Variants in RUNDC3B observed in about 807,000 individuals in gnomAD.
RUNDC3B encodes the protein RUN domain-containing protein 3B.
A neutral mutation model predicts 58.4 loss-of-function variants in RUNDC3B; 33 were observed. That is an observed-to-expected ratio of 0.56 (90% CI 0.43 to 0.75). The LOEUF (loss-of-function observed/expected upper bound fraction) is 0.75. Ranked by LOEUF, RUNDC3B falls within the 30% of genes least tolerant of loss-of-function variation. The probability of loss-of-function intolerance (pLI) is 0.00; values close to 1 mark genes in which losing one functional copy is unlikely to be tolerated. For missense variants in RUNDC3B, 501 were observed against 535.7 expected, an observed-to-expected ratio of 0.94 and a Z score of 0.64; for synonymous variants, 193 against 195.2, an observed-to-expected ratio of 0.99 and a Z score of 0.10.
At chr7:87,785,354 G>A (rs926298703) in intron 8 of RUNDC3B, among the ~76,000 whole-genome samples, 2 of 152,108 alleles carry the variant, frequency 1.3e-5, no homozygotes, top group Admixed American at 6.6e-5. Context: ...ATGAACTCAC[G>A]CCTCCCTGTT....
At chr7:87,820,362 C>G (rs1037982449) in intron 10 of RUNDC3B, among the ~76,000 whole-genome samples, 13 of 152,178 alleles carry the variant, frequency 8.5e-5, no homozygotes, top group Non-Finnish European at 1.3e-4. Flanking sequence ...TCTGAATAGA[C>G]CAATAACAGG....
At chr7:87,772,183 TTAATA>T (rs1834321334) in intron 7 of RUNDC3B, among the ~76,000 whole-genome samples, 1 of 152,154 alleles carries the variant, frequency 6.6e-6, no homozygotes, top group African/African-American at 2.4e-5. Flanking sequence ...ACCTTTTTGT[TTAATA>T]TAATTTACTT....
chr7:87,800,743 C>T (rs1836103649), intron 8 of RUNDC3B, among the ~76,000 whole-genome samples: 2 of 151,446 alleles, frequency 1.3e-5, no homozygotes, highest in Admixed American at 1.3e-4. Context: ...GACCTCCAGG[C>T]TTAAGTGATC....
At chr7:87,666,119 A>G (rs1341869433) in intron 2 of RUNDC3B, among the ~76,000 whole-genome samples, 1 of 152,074 alleles carries the variant, frequency 6.6e-6, no homozygotes, top group African/African-American at 2.4e-5. Flanking sequence ...GTGTATAAGC[A>G]TCCCCTTTTC....
At chr7:87,750,418 G>T (rs1420855157) in intron 6 of RUNDC3B, among the ~76,000 whole-genome samples, 2 of 151,330 alleles carry the variant, frequency 1.3e-5, no homozygotes, top group Non-Finnish European at 3.0e-5. Flanking sequence ...TGGGTCAAAT[G>T]GTGTTTCTAG....
intron 8 of RUNDC3B, among the ~76,000 whole-genome samples, chr7:87,795,309 T>C (rs1391038281): frequency 6.6e-6 from 1 of 152,088 alleles, no homozygotes; most frequent in East Asian, 1.9e-4. Context: ...GATTAAAAAG[T>C]GGGCAAAAGA....
At chr7:87,751,922 G>A (rs1833022248) in intron 6 of RUNDC3B, among the ~76,000 whole-genome samples, 1 of 152,176 alleles carries the variant, frequency 6.6e-6, no homozygotes, top group Admixed American at 6.5e-5. Flanking sequence ...TTGAATAGGA[G>A]TGGTGAGAGA....
chr7:87,641,832 A>T (rs981137195), intron 1 of RUNDC3B, among the ~76,000 whole-genome samples: 1 of 152,190 alleles, frequency 6.6e-6, no homozygotes, highest in Non-Finnish European at 1.5e-5. Flanking sequence ...AGGTTAGGAA[A>T]ACAATATCCT....
In RUNDC3B at chr7:87,742,621, TATC is replaced by T. The variant is rs956899521; in HGVS notation, c.629+1045_629+1047del. Among the ~76,000 whole-genome samples, 68 of 150,946 alleles carry T rather than the reference TATC, an allele frequency of 4.5e-4. 1 individual carries two copies. Among genetic ancestry groups the T allele is most frequent in the Non-Finnish European group, 2.4e-4 (16 of 67,698 alleles). On this transcript the variant is annotated intron_variant, in intron 6 of 10. Coordinates refer to ENST00000394654, the MANE Select transcript of RUNDC3B (RefSeq NM_001134405.2). The stretch of plus-strand genomic sequence containing the variant: ...ATAGATAGATAGATAGATAGATAGA[TATC>T]ATGGTTTTTTTAATTGAGAAAATGA...
At chr7:87,794,084 A>G (rs1248157020) in intron 8 of RUNDC3B, among the ~76,000 whole-genome samples, 4 of 152,340 alleles carry the variant, frequency 2.6e-5, no homozygotes, top group South Asian at 2.1e-4. Flanking sequence ...CCCATTTACA[A>G]TAGCCATAAA....
At chr7:87,642,695 C>G (rs1309123569) in intron 1 of RUNDC3B, among the ~76,000 whole-genome samples, 1 of 152,032 alleles carries the variant, frequency 6.6e-6, no homozygotes, top group Non-Finnish European at 1.5e-5. Flanking sequence ...AACCATCATT[C>G]TCAGCAAACT....
chr7:87,764,434 G>C lies in RUNDC3B; in HGVS notation c.630-6147G>C, dbSNP rs369451811. Among the ~76,000 whole-genome samples the C allele has an allele frequency of 2.0e-4, 31 of 151,788 alleles. No individual in the cohort carries two copies. The East Asian group carries it at 2.9e-3, about 14-fold the overall frequency. ...CTCTTTTGAAAAAATATTAGACTGA[G>C]GCAGGTACATGTACAGGTTTGTTAG... On this transcript the variant is annotated intron_variant, in intron 6 of 10. Transcript: ENST00000394654.
chr7:87,807,309 A>G, intron 8 of RUNDC3B, 64 bp from the exon 9 acceptor site: 1 of 1,543,548 alleles, frequency 6.5e-7, no homozygotes, highest in Non-Finnish European at 8.9e-7. Flanking sequence ...AATTGATACC[A>G]TTAGGTTCCT....
intron 10 of RUNDC3B, among the ~76,000 whole-genome samples, chr7:87,819,892 G>C (rs1400673480): frequency 1.3e-5 from 2 of 152,018 alleles, no homozygotes; most frequent in African/African-American, 4.8e-5. Context: ...AAAGCAGTGT[G>C]TAGAGGGAAA....
intron 8 of RUNDC3B, among the ~76,000 whole-genome samples, chr7:87,803,846 G>A (rs1327806376): frequency 6.6e-6 from 1 of 151,994 alleles, no homozygotes; most frequent in African/African-American, 2.4e-5. Context: ...TTTGTTATGA[G>A]GTGGTATATG....
chr7:87,789,612 C>A (rs1451245061), intron 8 of RUNDC3B, among the ~76,000 whole-genome samples: 1 of 152,004 alleles, frequency 6.6e-6, no homozygotes, highest in Non-Finnish European at 1.5e-5. Context: ...AAATTAAAAT[C>A]ATGTTAATAT....
chr7:87,828,678 T>C (rs1253073571), intron 10 of RUNDC3B, among the ~76,000 whole-genome samples: 3 of 152,344 alleles, frequency 2.0e-5, no homozygotes, highest in East Asian at 3.9e-4. Flanking sequence ...AGTGCTATGA[T>C]GAACATATGA....
chr7:87,752,318 A>T lies in RUNDC3B; in HGVS notation c.629+10739A>T, dbSNP rs377289879. ...ATTTTTGCATCAATGTTCATCAAGGATATTGGTCTAGAATTCTCTTTTTTG... is the reference window on the plus strand; with the variant it reads ...ATTTTTGCATCAATGTTCATCAAGGTTATTGGTCTAGAATTCTCTTTTTTG... On this transcript the variant is annotated intron_variant, in intron 6 of 10. Transcript: ENST00000394654. Among the ~76,000 whole-genome samples the T allele has an allele frequency of 9.9e-5, 15 of 152,214 alleles. No individual in the cohort carries two copies. In the East Asian group the frequency reaches 2.7e-3, roughly 27 times the overall value.
At chr7:87,725,190 A>G (rs1391006406) in intron 4 of RUNDC3B, among the ~76,000 whole-genome samples, 3 of 152,126 alleles carry the variant, frequency 2.0e-5, no homozygotes, top group Non-Finnish European at 2.9e-5. Context: ...TGCTGCACCC[A>G]TTAACTTGTC....
Sources: allele counts gnomAD v4.1 joint callset (sites outside exome capture counted in the v4.1 genomes callset), GRCh38; gene constraint gnomAD v4.1.1; transcripts MANE v1.5; gene names NCBI Gene and HGNC (gene_info 2026-07-23, HGNC 2026-07-21).